The following SHC4 variants were observed in gnomAD, a reference collection of about 807,000 sequenced individuals.
SHC4 encodes SHC adaptor protein 4, also known as SHC-transforming protein 4.
Under a neutral mutation model 69.4 loss-of-function variants are expected in SHC4, and 41 were observed. That is an observed-to-expected ratio of 0.59 (90% CI 0.46 to 0.77). The LOEUF is 0.77. Ranked by LOEUF, SHC4 falls within the 30% of genes least tolerant of loss-of-function variation. The pLI is 0.00. For missense variants in SHC4, 777 were observed against 783.8 expected, an observed-to-expected ratio of 0.99 and a Z score of 0.10; for synonymous variants, 318 against 299.3, an observed-to-expected ratio of 1.06 and a Z score of -0.64.
chr15:48,915,342 AT>A (rs898084511), intron 2 of SHC4, among the ~76,000 whole-genome samples: 17 of 151,998 alleles, frequency 1.1e-4, no homozygotes, highest in Admixed American at 6.6e-4. Context: ...ATTGATTGGA[AT>A]TTTTTTTTAA....
rs1387084042 is a variant in SHC4 at position 48,824,926 on chromosome 15, A to T, written c.*1045T>A. 2.5e-5 allele frequency: 1 copy of T among 40,506 alleles called. No homozygotes were observed. The highest frequency in any genetic ancestry group is 5.5e-5 in the Non-Finnish European group (1 of 18,218). 2.5% of individuals were successfully genotyped at this position (40,506 alleles called of 1,614,324 possible). A position where few individuals can be genotyped will look rare whatever the true frequency, so the allele number is the denominator to read the frequency against. Reference sequence around the variant, plus strand: ...AATCTTTCCAAGTGCTTCATTCAATATGTTTTTTTTTCCTTCTGCATTTTG... The same window carrying T: ...AATCTTTCCAAGTGCTTCATTCAATTTGTTTTTTTTTCCTTCTGCATTTTG... On this transcript the variant is annotated 3_prime_UTR_variant, in exon 12 of 12. Transcript: ENST00000332408.
chr15:48,932,473 C>A (rs1041146121), intron 1 of SHC4, among the ~76,000 whole-genome samples: 5 of 152,184 alleles, frequency 3.3e-5, no homozygotes, highest in Non-Finnish European at 7.3e-5. Flanking sequence ...CATGATTTGG[C>A]TCTTGCTGAA....
intron 1 of SHC4, among the ~76,000 whole-genome samples, chr15:48,939,470 G>T (rs902305049): frequency 6.6e-6 from 1 of 152,256 alleles, no homozygotes; most frequent in Non-Finnish European, 1.5e-5. Flanking sequence ...GGATATGGCT[G>T]AGATATCAGC....
chr15:48,826,670 G>T (rs1457651569), intron 11 of SHC4, among the ~76,000 whole-genome samples: 1 of 152,086 alleles, frequency 6.6e-6, no homozygotes, highest in East Asian at 1.9e-4. Context: ...TTATTGTTTG[G>T]TATATTCTAT....
chr15:48,875,238 G>A (rs1411122572), intron 4 of SHC4, among the ~76,000 whole-genome samples: 3 of 152,150 alleles, frequency 2.0e-5, no homozygotes, highest in South Asian at 2.1e-4. Context: ...TTGTCACATG[G>A]AGACCACACA....
intron 10 of SHC4, among the ~76,000 whole-genome samples, chr15:48,841,203 G>A (rs1361837442): frequency 1.3e-5 from 2 of 152,290 alleles, no homozygotes; most frequent in East Asian, 3.9e-4. Flanking sequence ...CTGATAATAT[G>A]TGTGGCTCTG....
intron 1 of SHC4, among the ~76,000 whole-genome samples, chr15:48,961,606 C>G (rs1405344108): frequency 6.6e-6 from 1 of 152,226 alleles, no homozygotes; most frequent in Non-Finnish European, 1.5e-5. Flanking sequence ...GTGAATGAAT[C>G]CCAGATCACA....
At chr15:48,913,100 G>A (rs528589488) in intron 2 of SHC4, among the ~76,000 whole-genome samples, 2 of 151,970 alleles carry the variant, frequency 1.3e-5, no homozygotes, top group African/African-American at 4.8e-5. Context: ...ACTTTCCAGA[G>A]AGCATCAGCT....
At chr15:48,857,956 G>C in intron 6 of SHC4, 141 bp from the exon 7 acceptor site, 1 of 546,356 alleles carries the variant, frequency 1.8e-6, no homozygotes, top group Non-Finnish European at 2.8e-6. Context: ...GCCATGAAAT[G>C]ATATAAAGAA....
chr15:48,855,146 T>G (rs1439587522), intron 8 of SHC4, among the ~76,000 whole-genome samples: 1 of 151,626 alleles, frequency 6.6e-6, no homozygotes, highest in Non-Finnish European at 1.5e-5. Context: ...CAATTTACCC[T>G]TGTTAACAAA....
intron 1 of SHC4, chr15:48,947,850 T>C (rs1250888051): frequency 6.6e-6 from 1 of 152,344 alleles, no homozygotes; most frequent in Non-Finnish European, 1.5e-5. Context: ...CAAAGGGCCC[T>C]CTAGAAGATT....
At chr15:48,878,118 C>T (rs975144305) in intron 4 of SHC4, 1 of 1,505,674 alleles carries the variant, frequency 6.6e-7, no homozygotes, top group East Asian at 2.3e-5. Context: ...CACGAACGCA[C>T]GGCCGCGCAG....
chr15:48,906,194 C>T (rs1900402776), intron 2 of SHC4, among the ~76,000 whole-genome samples: 1 of 152,150 alleles, frequency 6.6e-6, no homozygotes, highest in Non-Finnish European at 1.5e-5. Flanking sequence ...AAATGTTCAA[C>T]AACCACATAA....
chr15:48,927,660 C>T (rs1900878012), intron 1 of SHC4, among the ~76,000 whole-genome samples: 1 of 152,178 alleles, frequency 6.6e-6, no homozygotes, highest in Non-Finnish European at 1.5e-5. Context: ...TGTCCCCTTA[C>T]ACACTTTGCT....
At chr15:48,827,587 C>T (rs1041484354) in intron 11 of SHC4, among the ~76,000 whole-genome samples, 5 of 151,722 alleles carry the variant, frequency 3.3e-5, no homozygotes, top group Non-Finnish European at 5.9e-5. Flanking sequence ...TACCTAGAAG[C>T]CTCTAATTAC....
intron 2 of SHC4, 87 bp downstream of exon 2, chr15:48,924,792 G>T: frequency 7.2e-7 from 1 of 1,382,922 alleles, no homozygotes; most frequent in Non-Finnish European, 1.0e-6. Flanking sequence ...ATAATGAATT[G>T]GAAGGTTTGC....
chr15:48,849,843 T>C (rs1462471774), intron 9 of SHC4, among the ~76,000 whole-genome samples: 2 of 152,220 alleles, frequency 1.3e-5, no homozygotes, highest in African/African-American at 2.4e-5. Flanking sequence ...GAATTTTAAA[T>C]AACTTTAAAG....
At chr15:48,845,540 T>C (rs894564867) in intron 9 of SHC4, among the ~76,000 whole-genome samples, 1 of 152,190 alleles carries the variant, frequency 6.6e-6, no homozygotes, top group Non-Finnish European at 1.5e-5. Flanking sequence ...CTTTTACAAA[T>C]GGAAAGTGGC....
chr15:48,850,630 T>C (rs1408104241), intron 9 of SHC4, among the ~76,000 whole-genome samples: 1 of 152,234 alleles, frequency 6.6e-6, no homozygotes, highest in Non-Finnish European at 1.5e-5. Context: ...AATTAAAATA[T>C]ATTTCCAATC....
Sources: allele counts gnomAD v4.1 joint callset (sites outside exome capture counted in the v4.1 genomes callset), GRCh38; gene constraint gnomAD v4.1.1; transcripts MANE v1.5; gene names NCBI Gene and HGNC (gene_info 2026-07-23, HGNC 2026-07-21).